FOXN3: variants seen among roughly 807,000 people sequenced by gnomAD.
FOXN3 encodes the protein forkhead box protein N3.
A neutral mutation model predicts 38.4 loss-of-function variants in FOXN3; 7 were observed. The observed-to-expected ratio is 0.18, with a 90% CI of 0.10 to 0.34. The LOEUF (loss-of-function observed/expected upper bound fraction) is 0.34. FOXN3 is among the 10% of genes least tolerant of loss of function. The pLI, the probability that FOXN3 is intolerant of heterozygous loss-of-function variation, is 1.00. For missense variants in FOXN3, 456 were observed against 613.4 expected, an observed-to-expected ratio of 0.74 and a Z score of 2.71; for synonymous variants, 230 against 242.2, an observed-to-expected ratio of 0.95 and a Z score of 0.47.
At chr14:89,515,790 G>A (rs1039539803) in intron 1 of FOXN3, among the ~76,000 whole-genome samples, 3 of 152,186 alleles carry the variant, frequency 2.0e-5, no homozygotes, top group East Asian at 1.9e-4. Flanking sequence ...AAAATAACGT[G>A]TATGGAAAAG....
At chr14:89,414,445 C>A (rs1366178013) in intron 1 of FOXN3, among the ~76,000 whole-genome samples, 1 of 152,148 alleles carries the variant, frequency 6.6e-6, no homozygotes, top group Non-Finnish European at 1.5e-5. Context: ...TGGGCACTAA[C>A]CTACCAGCCA....
intron 2 of FOXN3, among the ~76,000 whole-genome samples, chr14:89,369,037 C>T (rs1484580288): frequency 2.6e-5 from 4 of 152,118 alleles, no homozygotes; most frequent in Non-Finnish European, 5.9e-5. Context: ...CTGAGCTGGG[C>T]CTCAGGAAAG....
chr14:89,210,783 C>T (rs1373806860), intron 4 of FOXN3, among the ~76,000 whole-genome samples: 1 of 152,216 alleles, frequency 6.6e-6, no homozygotes, highest in Non-Finnish European at 1.5e-5. Context: ...GAGTCAGCCC[C>T]TTCCTTGGGT....
intron 1 of FOXN3, among the ~76,000 whole-genome samples, chr14:89,511,246 CTTTT>C (rs1396678266): frequency 0.027 from 378 of 13,966 alleles, 128 homozygotes; most frequent in Non-Finnish European, 0.08. Context: ...CCTTTTCTTT[CTTTT>C]CTTTCTTTCT....
At chr14:89,170,223 A>G (rs1279248702) in intron 5 of FOXN3, among the ~76,000 whole-genome samples, 1 of 152,240 alleles carries the variant, frequency 6.6e-6, no homozygotes, top group Non-Finnish European at 1.5e-5. Context: ...TATGTCTAAA[A>G]TTGAAAGAGG....
In FOXN3 at chr14:89,333,749, T is replaced by TTAAAAAA. The variant is rs1555418764; in HGVS notation, c.680+16922_680+16923insTTTTTTA. Among the ~76,000 whole-genome samples, 9 of 57,262 alleles carry TTAAAAAA rather than the reference T, an allele frequency of 1.6e-4. 1 individual carries two copies. The highest frequency in any genetic ancestry group is 2.2e-4 in the Admixed American group (1 of 4,532). The allele number at this position is 57,262 out of a possible 152,430, so 37.6% of individuals were successfully genotyped here. ...GCCTGGGTGAACACAGAGAGACTAT[T>TTAAAAAA]AAAAAAAAAAAAAAAAAAAAAAAAA... On this transcript the variant is annotated intron_variant, in intron 3 of 5. Transcript: ENST00000557258.
intron 2 of FOXN3, among the ~76,000 whole-genome samples, chr14:89,399,340 C>G (rs1462183367): frequency 6.6e-6 from 1 of 152,148 alleles, no homozygotes; most frequent in Non-Finnish European, 1.5e-5. Context: ...ACAGAGGGAG[C>G]TGGGCTGCAA....
At chr14:89,394,427 G>A (rs1397049111) in intron 2 of FOXN3, among the ~76,000 whole-genome samples, 1 of 151,824 alleles carries the variant, frequency 6.6e-6, no homozygotes, top group Non-Finnish European at 1.5e-5. Flanking sequence ...GGCTGGTCTC[G>A]AACTCCTGAC....
At chr14:89,313,793 T>TA (rs1384663741) in intron 3 of FOXN3, among the ~76,000 whole-genome samples, 1 of 152,188 alleles carries the variant, frequency 6.6e-6, no homozygotes, top group Non-Finnish European at 1.5e-5. Context: ...AAGAGAGTAT[T>TA]ACTCAGCCTT....
intron 4 of FOXN3, among the ~76,000 whole-genome samples, chr14:89,212,278 T>C (rs1024291414): frequency 6.4e-4 from 97 of 152,346 alleles, no homozygotes; most frequent in African/African-American, 2.3e-3. Context: ...GGATCGTGTG[T>C]TGGGGGCACT....
At chr14:89,240,422 G>T (rs1202799501) in intron 4 of FOXN3, among the ~76,000 whole-genome samples, 2 of 152,204 alleles carry the variant, frequency 1.3e-5, no homozygotes, top group Non-Finnish European at 2.9e-5. Context: ...AAAGATACAT[G>T]CAGGAGTATT....
At chr14:89,230,429 G>A (rs368262352) in intron 4 of FOXN3, among the ~76,000 whole-genome samples, 10 of 152,174 alleles carry the variant, frequency 6.6e-5, no homozygotes, top group African/African-American at 2.2e-4. Context: ...TAAAGCACTC[G>A]TGTGCCCCTG....
At chr14:89,424,993 C>A (rs1300553880) in intron 1 of FOXN3, among the ~76,000 whole-genome samples, 1 of 151,386 alleles carries the variant, frequency 6.6e-6, no homozygotes, top group Non-Finnish European at 1.5e-5. Flanking sequence ...GAGATCACCT[C>A]TCTCAGTTCT....
rs55935162 is a variant in FOXN3 at position 89,528,376 on chromosome 14, C to CTTTTTTTTTT, written c.-15+90642_-15+90651dup. Among the ~76,000 whole-genome samples, 66 of 53,576 alleles carry CTTTTTTTTTT rather than the reference C, an allele frequency of 1.2e-3. 14 individuals are homozygous for CTTTTTTTTTT. Among genetic ancestry groups the CTTTTTTTTTT allele is most frequent in the African/African-American group, 2.4e-3 (38 of 15,568 alleles). The allele number at this position is 53,576 out of a possible 152,430, so 35.1% of individuals were successfully genotyped here. A position where few individuals can be genotyped will look rare whatever the true frequency, so the allele number is the denominator to read the frequency against. On this transcript the variant is annotated intron_variant, in intron 1 of 6. Coordinates refer to the FOXN3 transcript ENST00000345097. ...TCATCCATACTCAACATGGATGAAT[C>CTTTTTTTTTT]TTTTTTTTTTTTTTTTTTTTTTTTT...
At chr14:89,194,954 A>C (rs1888060696) in intron 4 of FOXN3, among the ~76,000 whole-genome samples, 1 of 152,162 alleles carries the variant, frequency 6.6e-6, no homozygotes, top group African/African-American at 2.4e-5. Flanking sequence ...TGCAACTTAA[A>C]ATTTTTTTCA....
intron 4 of FOXN3, among the ~76,000 whole-genome samples, chr14:89,194,352 AACAAAAATAGAAGTAATCACTC>A (rs1888041841): frequency 6.6e-6 from 1 of 152,162 alleles, no homozygotes; most frequent in African/African-American, 2.4e-5. Flanking sequence ...TTTACAGGCA[AACAAAAATAGAAGTAATCACTC>A]AGACCTCTTT....
intron 2 of FOXN3, among the ~76,000 whole-genome samples, chr14:89,351,734 A>G (rs1349483432): frequency 6.6e-6 from 1 of 152,226 alleles, no homozygotes; most frequent in Non-Finnish European, 1.5e-5. Context: ...TTTGCAGAGA[A>G]AAGAAGTTAA....
chr14:89,323,499 T>TCACG (rs1887954355), intron 3 of FOXN3, among the ~76,000 whole-genome samples: 1 of 151,738 alleles, frequency 6.6e-6, no homozygotes, highest in African/African-American at 2.4e-5. Context: ...GGTGGGTGGA[T>TCACG]CACGAGGTCA....
intron 4 of FOXN3, among the ~76,000 whole-genome samples, chr14:89,207,679 T>A (rs371780345): frequency 2.6e-5 from 4 of 152,152 alleles, no homozygotes; most frequent in East Asian, 3.9e-4. Flanking sequence ...TTTGAAATAC[T>A]CTACAGTAAA....
Sources: gnomAD v4.1 joint callset for allele counts (sites outside exome capture counted in the v4.1 genomes callset) on GRCh38, gnomAD v4.1.1 for gene constraint, MANE v1.5 for transcripts, NCBI Gene and HGNC (gene_info 2026-07-23, HGNC 2026-07-21) for gene names.